Variants in LRFN5 observed in about 807,000 individuals in gnomAD.
LRFN5 encodes the protein leucine rich repeat and fibronectin type III domain containing 5.
A neutral mutation model predicts 45.6 loss-of-function variants in LRFN5; 24 were observed. That is an observed-to-expected ratio of 0.53 (90% confidence interval 0.38 to 0.74). LRFN5 has a LOEUF of 0.74. LRFN5 is among the 30% of genes least tolerant of loss of function. LRFN5 has a pLI of 0.00. For missense variants in LRFN5, 776 were observed against 861.5 expected (o/e 0.90, Z 1.24); for synonymous variants, 340 against 313.8 (o/e 1.08, Z -0.88).
At chr14:41,800,204 TATCTTTA>T (rs1225725273) in intron 2 of LRFN5, among the ~76,000 whole-genome samples, 1 of 152,102 alleles carries the variant, frequency 6.6e-6, no homozygotes. Context: ...TGCCTTCATT[TATCTTTA>T]ATTGGAGGAT....
chr14:41,843,281 A>G (rs75014370), intron 2 of LRFN5, among the ~76,000 whole-genome samples: 12,878 of 151,742 alleles, frequency 0.085, 1,142 homozygotes, highest in East Asian at 0.48. Context: ...TTTTGTAGAG[A>G]TGAGGTCTCA....
At chr14:41,849,343 C>G (rs1421512166) in intron 2 of LRFN5, among the ~76,000 whole-genome samples, 1 of 151,840 alleles carries the variant, frequency 6.6e-6, no homozygotes, top group African/African-American at 2.4e-5. Context: ...GTCTTCCACT[C>G]TATGGTGAAA....
At chr14:41,835,665 GCAGTAAAC>G (rs1293098739) in intron 2 of LRFN5, among the ~76,000 whole-genome samples, 2 of 152,184 alleles carry the variant, frequency 1.3e-5, no homozygotes, top group Non-Finnish European at 2.9e-5. Context: ...GGTCGAGGCT[GCAGTAAAC>G]CACGGTCACG....
chr14:41,672,342 T>A (rs1246319413), intron 1 of LRFN5, among the ~76,000 whole-genome samples: 1 of 152,200 alleles, frequency 6.6e-6, no homozygotes, highest in Admixed American at 6.5e-5. Flanking sequence ...TCCTTCTCTT[T>A]ATTTATTAAA....
chr14:41,776,564 C>T (rs1357573418), intron 2 of LRFN5, among the ~76,000 whole-genome samples: 1 of 152,052 alleles, frequency 6.6e-6, no homozygotes, highest in African/African-American at 2.4e-5. Flanking sequence ...CATTTTTATA[C>T]TTAATAACTT....
intron 2 of LRFN5, among the ~76,000 whole-genome samples, chr14:41,790,809 T>C (rs1025537299): frequency 1.3e-5 from 2 of 151,696 alleles, no homozygotes; most frequent in African/African-American, 4.8e-5. Context: ...GACAATGCCT[T>C]ATGAACTAGT....
intron 1 of LRFN5, among the ~76,000 whole-genome samples, chr14:41,621,168 G>A (rs1321238734): frequency 6.6e-6 from 1 of 151,948 alleles, no homozygotes; most frequent in Non-Finnish European, 1.5e-5. Context: ...ATATGAAAGA[G>A]CCTTTGAAAA....
intron 1 of LRFN5, among the ~76,000 whole-genome samples, chr14:41,711,701 C>T (rs752623313): frequency 7.2e-5 from 11 of 152,016 alleles, no homozygotes; most frequent in Non-Finnish European, 1.0e-4. Context: ...AAGAAGATTC[C>T]GTTTCACAGA....
In LRFN5 at chr14:41,702,984, A is replaced by T. The variant is rs1397467469; in HGVS notation, c.-196-63870A>T. ...CATGGCACCCCTTTATCACTTTCAA[A>T]TTCGAATGTGTGACAATTATTAAAA... is the stretch of plus-strand genomic sequence containing the variant. On this transcript the variant is annotated intron_variant, in intron 1 of 5. Transcript: ENST00000298119. Among the ~76,000 whole-genome samples, 4 of 152,068 alleles carry T rather than the reference A, an allele frequency of 2.6e-5. No homozygotes were observed. In the South Asian group the frequency reaches 8.3e-4, roughly 31 times the overall value.
chr14:41,782,853 T>C (rs930826563), intron 2 of LRFN5, among the ~76,000 whole-genome samples: 1 of 152,130 alleles, frequency 6.6e-6, no homozygotes, highest in Non-Finnish European at 1.5e-5. Flanking sequence ...ATTGGAGCCT[T>C]GTTATAGTGG....
chr14:41,650,099 A>G (rs1408336401), intron 1 of LRFN5, among the ~76,000 whole-genome samples: 3 of 152,172 alleles, frequency 2.0e-5, no homozygotes, highest in African/African-American at 7.2e-5. Flanking sequence ...CTGGTAAAAG[A>G]TATTTGCAAC....
intron 2 of LRFN5, among the ~76,000 whole-genome samples, chr14:41,791,354 T>C (rs1221504096): frequency 6.6e-6 from 1 of 152,046 alleles, no homozygotes; most frequent in Admixed American, 6.6e-5. Context: ...TCAGTATCAG[T>C]AGAAGATTTC....
At chr14:41,864,927 A>T (rs1166734798) in intron 2 of LRFN5, among the ~76,000 whole-genome samples, 2 of 151,796 alleles carry the variant, frequency 1.3e-5, no homozygotes, top group Non-Finnish European at 2.9e-5. Flanking sequence ...ATATATTCTT[A>T]ATTTATTACA....
chr14:41,697,203 G>T (rs1706012737), intron 1 of LRFN5, among the ~76,000 whole-genome samples: 1 of 151,804 alleles, frequency 6.6e-6, no homozygotes, highest in Admixed American at 6.6e-5. Flanking sequence ...GAAGCCATCT[G>T]GGCATAGAAT....
At position 41,887,745 on chromosome 14, in the gene LRFN5, A is replaced by G. The variant is rs759828386; in HGVS notation, c.1120A>G (p.Ile374Val). ...AGCAACACAAATAGTGGATCTTCAT[A>G]TAATTAAGCTCCCTCACTTACTAAA... is the stretch of plus-strand genomic sequence containing the variant. The part of the protein sequence containing the change: ...GEATQIVDLH[I>V]IKLPHLLNST... The change falls in exon 3 of 6, where the codon ATA (isoleucine) becomes GTA (valine). Residue 374 changes from isoleucine to valine, a missense_variant. Coordinates refer to ENST00000298119, the MANE Select transcript of LRFN5 (RefSeq NM_152447.5). The surrounding 1 kb of genome is among the most constrained non-coding windows in gnomAD (Gnocchi z 4.8). 4.3e-6 allele frequency: 7 copies of G among 1,614,016 alleles called. No homozygotes were observed. The highest frequency in any genetic ancestry group is 5.9e-6 in the Non-Finnish European group (7 of 1,180,024).
At chr14:41,661,800 G>T (rs974602458) in intron 1 of LRFN5, among the ~76,000 whole-genome samples, 3 of 152,024 alleles carry the variant, frequency 2.0e-5, no homozygotes, top group African/African-American at 7.2e-5. Context: ...AGGCACCTTT[G>T]AGAGTAATTT....
chr14:41,613,525 A>G (rs1274250034), intron 1 of LRFN5, among the ~76,000 whole-genome samples: 1 of 152,012 alleles, frequency 6.6e-6, no homozygotes, highest in Non-Finnish European at 1.5e-5. Context: ...TATATAATTT[A>G]TTGCTCTAAA....
intron 1 of LRFN5, among the ~76,000 whole-genome samples, chr14:41,743,228 T>G (rs1007906406): frequency 6.6e-6 from 1 of 152,222 alleles, no homozygotes; most frequent in African/African-American, 2.4e-5. Flanking sequence ...TAGCCATTCC[T>G]GGTCACAGAA....
chr14:41,868,993 A>G (rs1252501753), intron 2 of LRFN5, among the ~76,000 whole-genome samples: 1 of 152,176 alleles, frequency 6.6e-6, no homozygotes, highest in African/African-American at 2.4e-5. Context: ...TTATGATTCC[A>G]TCACCATTTA....
Sources: allele counts gnomAD v4.1 joint callset (sites outside exome capture counted in the v4.1 genomes callset), GRCh38; gene constraint gnomAD v4.1.1; non-coding constraint Gnocchi (gnomAD v3.1); transcripts MANE v1.5; gene names NCBI Gene and HGNC (gene_info 2026-07-23, HGNC 2026-07-21).